Variants in ICA1 observed in about 807,000 individuals in gnomAD.
ICA1 encodes 69 kDa islet cell autoantigen.
A neutral mutation model predicts 71.0 loss-of-function variants in ICA1; 40 were observed. That is an observed-to-expected ratio of 0.56 (90% confidence interval 0.44 to 0.73). The LOEUF is 0.73. ICA1 is among the 30% of genes least tolerant of loss of function. ICA1 has a pLI of 0.00. For synonymous variants in ICA1, 207 were observed against 209.5 expected (o/e 0.99, Z 0.10); for missense variants, 578 against 576.5 (o/e 1.00, Z -0.03).
intron 1 of ICA1, among the ~76,000 whole-genome samples, chr7:8,259,835 C>A (rs541210158): frequency 1.3e-5 from 2 of 152,028 alleles, no homozygotes; most frequent in African/African-American, 4.8e-5. Flanking sequence ...AAGAAAAAAG[C>A]GGGGGAAAAG....
In ICA1 at chr7:8,130,717, T is replaced by C. The variant is rs905740736; in HGVS notation, c.1061-2575A>G. On this transcript the variant is annotated intron_variant, in intron 12 of 13. Transcript: ENST00000402384. The surrounding 1 kb of genome is among the most constrained non-coding windows in gnomAD (Gnocchi z 4.2). ...AACCCTCAGGGAGGCTTCACTACTT[T>C]AGTACAGATGTCTGTCCAGGGAAGA... Among the ~76,000 whole-genome samples the C allele has an allele frequency of 2.6e-5, 4 of 152,232 alleles. No individual in the cohort carries two copies. Among genetic ancestry groups the C allele is most frequent in the Non-Finnish European group, 4.4e-5 (3 of 68,040 alleles).
At chr7:8,200,713 A>G (rs3807824) in intron 6 of ICA1, among the ~76,000 whole-genome samples, 73,412 of 152,014 alleles carry the variant, frequency 0.48, 21,839 homozygotes, top group South Asian at 0.75. Context: ...ATTCTTCAGT[A>G]TAATGAAAGA....
In ICA1 at chr7:8,222,531, A is replaced by T. The variant is rs1432166115; in HGVS notation, c.257-1133T>A. Among the ~76,000 whole-genome samples, 1 of 152,198 alleles carries T rather than the reference A, an allele frequency of 6.6e-6. No individual in the cohort carries two copies. Among genetic ancestry groups the T allele is most frequent in the Non-Finnish European group, 1.5e-5 (1 of 68,038 alleles). On this transcript the variant is annotated intron_variant, in intron 4 of 13. Coordinates refer to ENST00000402384, the MANE Select transcript of ICA1 (RefSeq NM_001136020.3). The surrounding 1 kb of genome is among the most constrained non-coding windows in gnomAD (Gnocchi z 4.8). ...TTAAGAATGCACCCCCATTCCTGAC[A>T]TAATCTCACTAACAATAATTGTAGG...
chr7:8,149,013 G>A (rs188512370), intron 8 of ICA1, among the ~76,000 whole-genome samples: 32 of 152,292 alleles, frequency 2.1e-4, no homozygotes, highest in Non-Finnish European at 4.0e-4. Context: ...TGAAGTCCAC[G>A]ACTCCATTGA....
At chr7:8,182,617 T>G (rs1782556450) in intron 6 of ICA1, among the ~76,000 whole-genome samples, 2 of 152,182 alleles carry the variant, frequency 1.3e-5, no homozygotes, top group African/African-American at 4.8e-5. Context: ...TCCTCTAAAT[T>G]TTTATTGTTG....
At chr7:8,237,008 A>AG (rs1563142237) in intron 1 of ICA1, 1 of 152,230 alleles carries the variant, frequency 6.6e-6, no homozygotes, top group East Asian at 1.9e-4. Context: ...AAGCTTTCCT[A>AG]GGCTATTTAA....
rs916761494 is a variant in ICA1 at position 8,237,815 on chromosome 7, G to GACACAC, written c.-79-1811_-79-1810insGTGTGT. ...ATTGCATTGTATATGCAATGTTGAAGACAGACACACACACACACACACACA... is the reference window on the plus strand; with the variant it reads ...ATTGCATTGTATATGCAATGTTGAAGACACACACAGACACACACACACACACACACA... On this transcript the variant is annotated intron_variant, in intron 1 of 13. Transcript: ENST00000402384. Among the ~76,000 whole-genome samples the GACACAC allele has an allele frequency of 4.3e-3, 582 of 135,310 alleles. 4 individuals are homozygous for GACACAC. Among genetic ancestry groups the GACACAC allele is most frequent in the African/African-American group, 0.018 (552 of 30,888 alleles). 88.8% of individuals were successfully genotyped at this position (135,310 alleles called of 152,430 possible).
intron 8 of ICA1, among the ~76,000 whole-genome samples, chr7:8,154,981 A>G (rs1800983778): frequency 6.6e-6 from 1 of 152,238 alleles, no homozygotes; most frequent in Admixed American, 6.5e-5. Flanking sequence ...TGACACTAAA[A>G]GTAATGGAAA....
Position 8,216,858 on chromosome 7 carries a change from C to T in ICA1, c.579+1447G>A, listed in dbSNP as rs115286367. Among the ~76,000 whole-genome samples, 1,136 of 152,286 alleles carry T rather than the reference C, an allele frequency of 7.5e-3. 5 individuals are homozygous for T. Among genetic ancestry groups the T allele is most frequent in the African/African-American group, 0.026 (1,071 of 41,558 alleles). ...ATTTTCCTCGCTTATAAAATAAAATCGGTGTCTTGGTTATTGTGAGGAGTA... is the reference window on the plus strand; with the variant it reads ...ATTTTCCTCGCTTATAAAATAAAATTGGTGTCTTGGTTATTGTGAGGAGTA... On this transcript the variant is annotated intron_variant, in intron 6 of 13. Coordinates refer to ENST00000402384, the MANE Select transcript of ICA1 (RefSeq NM_001136020.3).
rs867457788 is a variant in ICA1 at position 8,179,844 on chromosome 7, T to C, written c.580-21192A>G. Among the ~76,000 whole-genome samples, 3 of 152,110 alleles carry C rather than the reference T, an allele frequency of 2.0e-5. No individual in the cohort carries two copies. The South Asian group carries it at 6.2e-4, about 32-fold the overall frequency. Reference sequence around the variant, plus strand: ...ATGAAATGGTAAAGAACTTAAAAAGTTGGATATGTAAACAACAGAGATACT... The same window carrying C: ...ATGAAATGGTAAAGAACTTAAAAAGCTGGATATGTAAACAACAGAGATACT... On this transcript the variant is annotated intron_variant, in intron 6 of 13. Transcript: ENST00000402384.
rs954429935 is a variant in ICA1, at chr7:8,172,792, C to T, written c.580-14140G>A. Among the ~76,000 whole-genome samples, 6 of 152,106 alleles carry T rather than the reference C, an allele frequency of 3.9e-5. No homozygotes were observed. In the East Asian group the frequency reaches 5.8e-4, roughly 15 times the overall value. ...AAAATAGGACAATATTTTCTTGTTA[C>T]GCAATTTCTGGCACCTCTGATTTCT... On this transcript the variant is annotated intron_variant, in intron 6 of 13. Coordinates refer to ENST00000402384, the MANE Select transcript of ICA1 (RefSeq NM_001136020.3).
At chr7:8,255,583 G>A (rs62433205) in intron 1 of ICA1, among the ~76,000 whole-genome samples, 1 of 152,052 alleles carries the variant, frequency 6.6e-6, no homozygotes, top group Non-Finnish European at 1.5e-5. Flanking sequence ...CACCTCTCCA[G>A]GGCACCAGAT....
chr7:8,156,921 T>C (rs779305965), intron 8 of ICA1, 195 bp downstream of exon 8: 7 of 1,528,670 alleles, frequency 4.6e-6, no homozygotes, highest in South Asian at 2.5e-5. Context: ...TATTGAATCC[T>C]GATGCAGTAA....
chr7:8,164,986 A>G (rs1186767509), intron 6 of ICA1, among the ~76,000 whole-genome samples: 2 of 152,150 alleles, frequency 1.3e-5, no homozygotes, highest in African/African-American at 4.8e-5. Context: ...TTAAGGTGGG[A>G]GGATTGCCTG....
chr7:8,205,817 C>T (rs1042095272), intron 6 of ICA1, among the ~76,000 whole-genome samples: 2 of 152,130 alleles, frequency 1.3e-5, no homozygotes, highest in African/African-American at 4.8e-5. Context: ...GCACATTAAA[C>T]AGCATGAATA....
chr7:8,156,955 G>C, intron 8 of ICA1, 161 bp downstream of exon 8: 1 of 170,108 alleles, frequency 5.9e-6, no homozygotes, highest in Non-Finnish European at 6.7e-6. Context: ...AAAAAAAAAA[G>C]AAAGAAAGAA....
intron 10 of ICA1, among the ~76,000 whole-genome samples, chr7:8,139,655 A>G (rs1390277061): frequency 6.6e-6 from 1 of 152,228 alleles, no homozygotes; most frequent in African/African-American, 2.4e-5. Context: ...GTGAATGCTA[A>G]TGTAAACTAT....
intron 9 of ICA1, chr7:8,142,030 T>A: frequency 2.7e-6 from 4 of 1,466,264 alleles, no homozygotes; most frequent in South Asian, 1.2e-5. Flanking sequence ...TTTGCTTTCA[T>A]CTCGAGGCAA....
chr7:8,251,285 C>T (rs1189671163), intron 1 of ICA1, among the ~76,000 whole-genome samples: 4 of 151,726 alleles, frequency 2.6e-5, no homozygotes, highest in African/African-American at 9.7e-5. Context: ...TAATGACTCC[C>T]TAAAACTATT....
Sources: allele counts gnomAD v4.1 joint callset (sites outside exome capture counted in the v4.1 genomes callset), GRCh38; gene constraint gnomAD v4.1.1; non-coding constraint Gnocchi (gnomAD v3.1); transcripts MANE v1.5; gene names NCBI Gene and HGNC (gene_info 2026-07-23, HGNC 2026-07-21).